ZPLD1: variants seen among roughly 807,000 people sequenced by gnomAD.
ZPLD1 encodes the protein zona pellucida-like domain-containing protein 1.
In ZPLD1, 34 loss-of-function variants were observed where a neutral mutation model predicts 47.2. The observed-to-expected ratio is 0.72, with a 90% confidence interval of 0.55 to 0.96. The LOEUF (loss-of-function observed/expected upper bound fraction) is 0.96, where lower values mean the gene tolerates loss of function less well. Ranked by LOEUF, ZPLD1 falls within the 40% of genes least tolerant of loss-of-function variation. The pLI, the probability that ZPLD1 is intolerant of heterozygous loss-of-function variation, is 0.00. For synonymous variants in ZPLD1, 176 were observed against 186.2 expected (o/e 0.95, Z 0.45); for missense variants, 512 against 505.8 (o/e 1.01, Z -0.12).
At chr3:102,456,545 A>ATATCTATCTATCTATCTATCTATC (rs3077584) in intron 5 of ZPLD1, among the ~76,000 whole-genome samples, 171 bp downstream of exon 5, 8 of 147,034 alleles carry the variant, frequency 5.4e-5, no homozygotes, top group Admixed American at 1.4e-4. Context: ...TTTATCTATT[A>ATATCTATCTATCTATCTATCTATC]TATCTATCTA....
chr3:102,436,782 AAT>A (rs951980269), intron 1 of ZPLD1, 76 bp from the exon 2 acceptor site: 11 of 616,114 alleles, frequency 1.8e-5, no homozygotes, highest in African/African-American at 1.4e-4. Flanking sequence ...TCCTGTGAAA[AAT>A]ATATGTTAGC....
chr3:102,477,000 T>C lies in ZPLD1; in HGVS notation c.1043-12T>C. 3 of 1,613,330 alleles carry C rather than the reference T, an allele frequency of 1.9e-6. No homozygotes were observed. The highest frequency in any genetic ancestry group is 2.5e-6 in the Non-Finnish European group (3 of 1,179,476). On this transcript the variant is annotated splice_polypyrimidine_tract_variant and intron_variant, in intron 10 of 11. Coordinates refer to ENST00000466937, the MANE Select transcript of ZPLD1 (RefSeq NM_001329788.2). ...ATGATGTCACTTCTCTTTTTCTGTT[T>C]TTTCCCCTCAGATGAGACTCCAACC... is the stretch of plus-strand genomic sequence containing the variant.
At chr3:102,472,191 G>A (rs1559762614) in intron 10 of ZPLD1, among the ~76,000 whole-genome samples, 1 of 152,112 alleles carries the variant, frequency 6.6e-6, no homozygotes, top group Non-Finnish European at 1.5e-5. Context: ...TTCAAACTTA[G>A]CCCATACTCC....
intron 6 of ZPLD1, among the ~76,000 whole-genome samples, chr3:102,388,183 GT>G (rs1706454705): frequency 6.6e-6 from 1 of 151,886 alleles, no homozygotes; most frequent in Non-Finnish European, 1.5e-5. Context: ...ATTCTTTCTC[GT>G]TTTTTCTGTC....
intron 8 of ZPLD1, among the ~76,000 whole-genome samples, chr3:102,466,591 A>T (rs553574361): frequency 6.6e-6 from 1 of 152,144 alleles, no homozygotes; most frequent in Non-Finnish European, 1.5e-5. Flanking sequence ...AGGATAGGAC[A>T]GTAAAAGCCA....
intron 6 of ZPLD1, among the ~76,000 whole-genome samples, chr3:102,388,015 C>T (rs540404408): frequency 2.0e-5 from 3 of 152,150 alleles, no homozygotes; most frequent in Middle Eastern, 3.4e-3. Flanking sequence ...CGCCCGCCAC[C>T]ACGCCCAGCT....
intron 6 of ZPLD1, 61 bp from the exon 7 acceptor site, chr3:102,462,220 A>C (rs1429531773): frequency 9.9e-7 from 1 of 1,009,464 alleles, no homozygotes; most frequent in Non-Finnish European, 1.5e-6. Context: ...TTGTTGTTTT[A>C]AGTAGTAAGT....
At chr3:102,441,982 A>T (rs1245564502) in intron 3 of ZPLD1, among the ~76,000 whole-genome samples, 1 of 152,190 alleles carries the variant, frequency 6.6e-6, no homozygotes, top group Non-Finnish European at 1.5e-5. Flanking sequence ...AGAAACAGGG[A>T]CATAAGGCTA....
intron 8 of ZPLD1, among the ~76,000 whole-genome samples, chr3:102,418,479 C>A (rs900955900): frequency 2.6e-5 from 4 of 151,872 alleles, no homozygotes; most frequent in African/African-American, 9.7e-5. Flanking sequence ...TTCAATTTAT[C>A]CCAAATATTT....
At chr3:102,452,282 G>A (rs1287690723) in intron 3 of ZPLD1, among the ~76,000 whole-genome samples, 2 of 148,048 alleles carry the variant, frequency 1.4e-5, no homozygotes, top group Non-Finnish European at 3.0e-5. Flanking sequence ...ACTGAGGCAT[G>A]CATAGTCATT....
chr3:102,440,049 C>CA (rs1707151852), intron 3 of ZPLD1, among the ~76,000 whole-genome samples: 1 of 152,166 alleles, frequency 6.6e-6, no homozygotes, highest in African/African-American at 2.4e-5. Context: ...CTCCTTTTTC[C>CA]TGTCTATCCT....
chr3:102,475,991 A>G (rs1463132801), intron 10 of ZPLD1, among the ~76,000 whole-genome samples: 1 of 152,136 alleles, frequency 6.6e-6, no homozygotes, highest in African/African-American at 2.4e-5. Context: ...GGCCTCTGAA[A>G]CTGAGCTTTG....
chr3:102,388,298 T>C (rs1335456773), intron 6 of ZPLD1, among the ~76,000 whole-genome samples: 5 of 152,286 alleles, frequency 3.3e-5, no homozygotes, highest in African/African-American at 1.2e-4. Context: ...CTCTCTCTTG[T>C]ATATTTTCTC....
intron 7 of ZPLD1, among the ~76,000 whole-genome samples, chr3:102,405,909 G>C (rs966041954): frequency 1.3e-5 from 2 of 151,830 alleles, no homozygotes; most frequent in African/African-American, 4.8e-5. Flanking sequence ...TGAAAGAGTT[G>C]GGCTGTATGC....
intron 3 of ZPLD1, among the ~76,000 whole-genome samples, chr3:102,448,704 A>G (rs560796021): frequency 6.6e-6 from 1 of 152,346 alleles, no homozygotes; most frequent in South Asian, 2.1e-4. Flanking sequence ...AATTGGTTAT[A>G]GGAAAACAGA....
chr3:102,455,270 A>C (rs1254830122), intron 4 of ZPLD1, among the ~76,000 whole-genome samples: 4 of 152,222 alleles, frequency 2.6e-5, no homozygotes, highest in Admixed American at 2.6e-4. Context: ...AAGGTCGAAG[A>C]AGCTAGAAGA....
intron 4 of ZPLD1, among the ~76,000 whole-genome samples, chr3:102,454,176 C>T (rs1231046515): frequency 6.6e-6 from 1 of 152,138 alleles, no homozygotes; most frequent in Non-Finnish European, 1.5e-5. Context: ...TTCTTTGAAT[C>T]TTGTTCTTTA....
At chr3:102,438,849 T>A (rs1707131528) in intron 3 of ZPLD1, among the ~76,000 whole-genome samples, 1 of 152,108 alleles carries the variant, frequency 6.6e-6, no homozygotes, top group Non-Finnish European at 1.5e-5. Context: ...GTGTAAAAAA[T>A]TGGGAGAGAC....
At chr3:102,395,315 G>A (rs1357757690) in intron 7 of ZPLD1, among the ~76,000 whole-genome samples, 1 of 152,062 alleles carries the variant, frequency 6.6e-6, no homozygotes. Flanking sequence ...TAGCAGATGT[G>A]ATTCATTTAA....
Sources: allele counts gnomAD v4.1 joint callset (sites outside exome capture counted in the v4.1 genomes callset), GRCh38; gene constraint gnomAD v4.1.1; transcripts MANE v1.5; gene names NCBI Gene and HGNC (gene_info 2026-07-23, HGNC 2026-07-21).